SVIL: variants seen among roughly 807,000 people sequenced by gnomAD.
SVIL encodes supervillin.
A neutral mutation model predicts 240.4 loss-of-function variants in SVIL; 101 were observed. The ratio of observed to expected loss-of-function variants is 0.42; its 90% CI spans 0.36 to 0.50. The LOEUF (loss-of-function observed/expected upper bound fraction) is 0.50, where lower values mean the gene tolerates loss of function less well. Ranked by LOEUF, SVIL falls within the 20% of genes least tolerant of loss-of-function variation. The probability of loss-of-function intolerance (pLI) is 0.01; values close to 1 mark genes in which losing one functional copy is unlikely to be tolerated. For missense variants in SVIL, 2,512 were observed against 2,818.7 expected, an observed-to-expected ratio of 0.89 and a Z score of 2.46; for synonymous variants, 999 against 1,100.0, an observed-to-expected ratio of 0.91 and a Z score of 1.82.
chr10:29,498,987 A>C (rs1948669830), intron 18 of SVIL, 129 bp downstream of exon 18: 3 of 1,373,700 alleles, frequency 2.2e-6, no homozygotes, highest in Non-Finnish European at 2.9e-6. Flanking sequence ...TCTCTTAGAA[A>C]AAACTTAAAA....
chr10:29,579,962 A>G lies in SVIL; in HGVS notation c.-200-10650T>C, dbSNP rs549970862. The stretch of plus-strand genomic sequence containing the variant: ...CTCGGTGACTTATCCTCATATGCAG[A>G]TGAGAAAACCAGGATAGTGCCTGAC... On this transcript the variant is annotated intron_variant, in intron 1 of 37. Coordinates refer to ENST00000355867, the MANE Select transcript of SVIL (RefSeq NM_021738.3). Among the ~76,000 whole-genome samples, 6 of 152,158 alleles carry G rather than the reference A, an allele frequency of 3.9e-5. No homozygotes were observed. In the South Asian group the frequency reaches 1.2e-3, roughly 32 times the overall value.
chr10:29,524,949 T>C (rs1474641513), intron 13 of SVIL, among the ~76,000 whole-genome samples: 1 of 152,112 alleles, frequency 6.6e-6, no homozygotes, highest in Non-Finnish European at 1.5e-5. Context: ...GAATTATTTC[T>C]ACAAAACGAA....
intron 3 of SVIL, among the ~76,000 whole-genome samples, chr10:29,655,333 C>G (rs1195541140): frequency 6.6e-6 from 1 of 152,122 alleles, no homozygotes. Flanking sequence ...CCCGGCAAGC[C>G]ACTGGTGCAA....
At chr10:29,727,784 T>G (rs1356522390) in intron 1 of SVIL, among the ~76,000 whole-genome samples, 1 of 151,936 alleles carries the variant, frequency 6.6e-6, no homozygotes, top group African/African-American at 2.4e-5. Flanking sequence ...AGCAATATTT[T>G]TATATTTTTG....
chr10:29,520,036 G>A (rs7089237), intron 16 of SVIL, among the ~76,000 whole-genome samples: 65,963 of 152,006 alleles, frequency 0.43, 14,934 homozygotes, highest in African/African-American at 0.54. Flanking sequence ...AAAAATACAG[G>A]TCAACTAAAA....
chr10:29,634,519 C>T lies in SVIL; in HGVS notation c.-300G>A, dbSNP rs747345292. ...CTAATTTAAAAAACAAAACAAAACA[C>T]GTTATACCCTCGAATCCAGCTTTTG... On this transcript the variant is annotated 5_prime_UTR_variant, in exon 1 of 38. In the 5' UTR this introduces an upstream ATG that the reference lacks. Transcript: ENST00000355867. 2.0e-5 allele frequency: 3 copies of T among 152,120 alleles called. No homozygotes were observed. The highest frequency in any genetic ancestry group is 2.1e-4 in the South Asian group (1 of 4,836). The allele number at this position is 152,120 out of a possible 1,614,324, so 9.4% of individuals were successfully genotyped here. A position where few individuals can be genotyped will look rare whatever the true frequency, so the allele number is the denominator to read the frequency against.
chr10:29,470,996 G>T, intron 31 of SVIL, 142 bp downstream of exon 31: 1 of 766,970 alleles, frequency 1.3e-6, no homozygotes, highest in Non-Finnish European at 2.2e-6. Context: ...ATAGAGCTGA[G>T]TTATCAGGCA....
intron 2 of SVIL, among the ~76,000 whole-genome samples, chr10:29,658,646 C>T (rs1959074083): frequency 6.6e-6 from 1 of 152,132 alleles, no homozygotes; most frequent in African/African-American, 2.4e-5. Flanking sequence ...CTCCCAGCTA[C>T]ATGGGAGGCC....
intron 1 of SVIL, among the ~76,000 whole-genome samples, chr10:29,722,289 T>C (rs1028238621): frequency 6.6e-6 from 1 of 150,966 alleles, no homozygotes; most frequent in African/African-American, 2.4e-5. Flanking sequence ...TACGAGTTTT[T>C]AAAATGCAAA....
At chr10:29,648,815 GAAAA>G (rs112459712) in intron 3 of SVIL, among the ~76,000 whole-genome samples, 14 of 143,522 alleles carry the variant, frequency 9.8e-5, no homozygotes, top group African/African-American at 3.1e-4. Flanking sequence ...GGACAGCTGG[GAAAA>G]AAAAAAAAAG....
intron 36 of SVIL, among the ~76,000 whole-genome samples, chr10:29,461,543 T>TA (rs916605001): frequency 2.8e-4 from 42 of 151,482 alleles, no homozygotes; most frequent in African/African-American, 4.8e-4. Context: ...TCTCACATGG[T>TA]AAAAAAAAAT....
At chr10:29,595,361 C>T (rs373551103) in intron 1 of SVIL, among the ~76,000 whole-genome samples, 1 of 152,120 alleles carries the variant, frequency 6.6e-6, no homozygotes, top group Non-Finnish European at 1.5e-5. Flanking sequence ...CCGGCACCCT[C>T]AGAGCAGCAC....
chr10:29,486,488 T>G lies in SVIL; in HGVS notation c.4555A>C (p.Ile1519Leu). Residue 1519 changes from isoleucine to leucine, a missense_variant, in exon 25 of 38, where the codon ATT becomes CTT. Ile to Leu is a conservative substitution (Grantham distance 5, BLOSUM62 2). This residue lies in a region of SVIL where 797 missense variants were observed against 925.3 expected (regional missense o/e 0.86). Transcript: ENST00000355867. The stretch of plus-strand genomic sequence containing the variant: ...GTGTGTGTATTAATTCCTTCTTCAA[T>G]GGTTTGGATATAAGTAGCTCTACAA... ...LGCRATYIQT[I>L]EEGINTHTHA... 1.2e-6 allele frequency: 2 copies of G among 1,614,188 alleles called. No homozygotes were observed. The highest frequency in any genetic ancestry group is 1.7e-6 in the Non-Finnish European group (2 of 1,180,042).
intron 1 of SVIL, among the ~76,000 whole-genome samples, chr10:29,581,288 TTAGGCCCTTTCA>T: frequency 6.6e-6 from 1 of 152,318 alleles, no homozygotes; most frequent in Non-Finnish European, 1.5e-5. Context: ...GAAAGCCCAC[TTAGGCCCTTTCA>T]TTTCCCCTTG....
intron 36 of SVIL, among the ~76,000 whole-genome samples, chr10:29,461,297 A>G (rs1276826082): frequency 6.6e-6 from 1 of 152,170 alleles, no homozygotes; most frequent in East Asian, 1.9e-4. Context: ...ACGAAACCAC[A>G]GTTGCAGTGA....
intron 1 of SVIL, among the ~76,000 whole-genome samples, chr10:29,709,637 T>C (rs1434320377): frequency 6.6e-6 from 1 of 152,170 alleles, no homozygotes; most frequent in Admixed American, 6.5e-5. Context: ...CTGCAGCAGC[T>C]AGCAGCCTGT....
chr10:29,559,720 C>A (rs749132240), intron 3 of SVIL, among the ~76,000 whole-genome samples: 1 of 152,132 alleles, frequency 6.6e-6, no homozygotes. Context: ...TTGAGTAATT[C>A]GGAGTGGTAC....
intron 17 of SVIL, among the ~76,000 whole-genome samples, chr10:29,509,330 G>GGAGGGAGGGAGA (rs1323408870): frequency 1.5e-5 from 1 of 66,880 alleles, no homozygotes; most frequent in Non-Finnish European, 3.1e-5. Flanking sequence ...GGAGGGGGAG[G>GGAGGGAGGGAGA]GAGAGAGAGA....
At chr10:29,725,153 T>C (rs1226622977) in intron 1 of SVIL, among the ~76,000 whole-genome samples, 1 of 151,412 alleles carries the variant, frequency 6.6e-6, no homozygotes, top group Non-Finnish European at 1.5e-5. Flanking sequence ...ACTTGCCTGC[T>C]ATCAAGAGCA....
Sources: gnomAD v4.1 joint callset for allele counts (sites outside exome capture counted in the v4.1 genomes callset) on GRCh38, gnomAD v4.1.1 for gene constraint, gnomAD v4.1.1 regional missense constraint, MANE v1.5 for transcripts, NCBI Gene and HGNC (gene_info 2026-07-23, HGNC 2026-07-21) for gene names.